Variants in ITPR2 observed in about 807,000 individuals in gnomAD.
ITPR2 encodes the protein inositol 1,4,5-trisphosphate-gated calcium channel ITPR2.
A neutral mutation model predicts 317.1 loss-of-function variants in ITPR2; 207 were observed. That is an observed-to-expected ratio of 0.65 (90% confidence interval 0.58 to 0.73). The LOEUF is 0.73. ITPR2 is among the 30% of genes least tolerant of loss of function. The pLI is 0.00. For synonymous variants in ITPR2, 1,156 were observed against 1,149.1 expected, an observed-to-expected ratio of 1.01 and a Z score of -0.12; for missense variants, 2,613 against 3,284.0, an observed-to-expected ratio of 0.80 and a Z score of 4.99.
intron 1 of ITPR2, among the ~76,000 whole-genome samples, chr12:26,804,886 C>T (rs1411125769): frequency 3.9e-5 from 6 of 152,078 alleles, no homozygotes; most frequent in Non-Finnish European, 5.9e-5. Flanking sequence ...AGGCGTGCAC[C>T]ACCACACCTG....
At chr12:26,774,212 A>T (rs886883987) in intron 2 of ITPR2, among the ~76,000 whole-genome samples, 1 of 152,196 alleles carries the variant, frequency 6.6e-6, no homozygotes, top group African/African-American at 2.4e-5. Flanking sequence ...ATTTAAGACT[A>T]TAACAAACTA....
chr12:26,698,776 T>C (rs755396173), intron 9 of ITPR2, among the ~76,000 whole-genome samples: 10 of 152,168 alleles, frequency 6.6e-5, no homozygotes, highest in Non-Finnish European at 1.5e-4. Context: ...AGAATTAGTT[T>C]CAAAACGGGA....
At chr12:26,797,554 A>C (rs1156760917) in intron 1 of ITPR2, among the ~76,000 whole-genome samples, 3 of 152,186 alleles carry the variant, frequency 2.0e-5, no homozygotes, top group Non-Finnish European at 2.9e-5. Flanking sequence ...AATGGCTCTG[A>C]AATGCATTTA....
chr12:26,430,535 A>T (rs763962115), intron 48 of ITPR2, among the ~76,000 whole-genome samples: 20 of 152,320 alleles, frequency 1.3e-4, no homozygotes, highest in Admixed American at 2.6e-4. Context: ...AAGTGCTGGG[A>T]TTACGGGCAT....
intron 38 of ITPR2, among the ~76,000 whole-genome samples, 178 bp downstream of exon 38, chr12:26,494,974 A>T (rs531967870): frequency 1.3e-5 from 2 of 152,278 alleles, no homozygotes; most frequent in South Asian, 4.1e-4. Flanking sequence ...AAAAAGCAAA[A>T]TCAATTCTGA....
At chr12:26,422,180 A>C (rs936662177) in intron 49 of ITPR2, among the ~76,000 whole-genome samples, 1 of 150,138 alleles carries the variant, frequency 6.7e-6, no homozygotes, top group South Asian at 2.1e-4. Context: ...ATTAGTTAAT[A>C]ATTTAGTAAA....
chr12:26,578,589 T>C, intron 34 of ITPR2, 124 bp downstream of exon 34: 2 of 810,722 alleles, frequency 2.5e-6, no homozygotes, highest in South Asian at 2.4e-5. Flanking sequence ...TGCTCTTCAG[T>C]TTAACAGAAA....
In ITPR2 at chr12:26,339,435, T is replaced by C. The variant is rs1938029705; in HGVS notation, c.8068A>G (p.Asn2690Asp). Residue 2690 changes from asparagine to aspartate, a missense_variant, in exon 57 of 57, where the codon AAC becomes GAC. Around this residue, in one of 9 missense-constraint regions of ITPR2, gnomAD observed 119 missense variants for 144.3 expected, o/e 0.82. Transcript: ENST00000381340. ...NKQRLGFLGS[N>D]TPHVNHHMPP... The stretch of plus-strand genomic sequence containing the variant: ...ATGTGATGATTCACATGGGGTGTGT[T>C]TGATCCGAGGAAGCCCAGTCTCTGC... 1 of 1,613,800 alleles carries C rather than the reference T, an allele frequency of 6.2e-7. No individual in the cohort carries two copies. The highest frequency in any genetic ancestry group is 1.3e-5 in the African/African-American group (1 of 74,866).
At chr12:26,782,053 G>T (rs201863802) in intron 2 of ITPR2, among the ~76,000 whole-genome samples, 6 of 102,670 alleles carry the variant, frequency 5.8e-5, no homozygotes, top group South Asian at 8.5e-4. Context: ...GAGAGAGAGA[G>T]AGAGAGAGAG....
chr12:26,529,407 T>C (rs1943894741), intron 37 of ITPR2, among the ~76,000 whole-genome samples: 1 of 152,206 alleles, frequency 6.6e-6, no homozygotes, highest in Non-Finnish European at 1.5e-5. Flanking sequence ...TGCAGATCTT[T>C]GGGTGTGTGC....
intron 45 of ITPR2, among the ~76,000 whole-genome samples, chr12:26,451,375 A>T (rs1345162349): frequency 2.9e-5 from 4 of 139,286 alleles, no homozygotes; most frequent in Non-Finnish European, 4.7e-5. Context: ...TCACACACAC[A>T]CACACACACA....
chr12:26,631,955 T>C lies in ITPR2; in HGVS notation c.2845A>G (p.Ser949Gly). 1 of 1,613,852 alleles carries C rather than the reference T, an allele frequency of 6.2e-7. No individual in the cohort carries two copies. The highest frequency in any genetic ancestry group is 8.5e-7 in the Non-Finnish European group (1 of 1,179,876). ...FPMSVPDVPP[S>G]IHPSKQGSPT... ...CTCCCTTGCTTGCTCGGGTGGATGCTGGGTGGCACATCCGGCACGCTCATG... is the reference window on the plus strand; with the variant it reads ...CTCCCTTGCTTGCTCGGGTGGATGCCGGGTGGCACATCCGGCACGCTCATG... The change falls in exon 22 of 57, where the codon AGC becomes GGC. Residue 949 changes from serine (S) to glycine (G), a missense_variant. Coordinates refer to ENST00000381340, the MANE Select transcript of ITPR2 (RefSeq NM_002223.4).
intron 48 of ITPR2, among the ~76,000 whole-genome samples, chr12:26,432,151 T>C (rs1427343131): frequency 2.0e-5 from 3 of 152,188 alleles, no homozygotes; most frequent in African/African-American, 7.2e-5. Flanking sequence ...TTACCATCTA[T>C]CTAGTCAAAG....
chr12:26,670,320 T>C lies in ITPR2; in HGVS notation c.1410-4269A>G, dbSNP rs1040452885. On this transcript the variant is annotated intron_variant, in intron 13 of 56. Coordinates refer to ENST00000381340, the MANE Select transcript of ITPR2 (RefSeq NM_002223.4). ...CCCCCCAGTAGGGGCAGACTGACAC[T>C]TCACACGGCCGGGTACTCCTCTGAG... 5.9e-5 allele frequency among the ~76,000 whole-genome samples: 9 copies of C among 152,196 alleles called. 1 individual carries two copies. The South Asian group carries it at 6.2e-4, about 11-fold the overall frequency.
At chr12:26,789,152 G>A (rs1950303683) in intron 2 of ITPR2, among the ~76,000 whole-genome samples, 1 of 152,124 alleles carries the variant, frequency 6.6e-6, no homozygotes, top group Admixed American at 6.5e-5. Context: ...CTCTACTTGG[G>A]GAGAAATCTG....
chr12:26,379,333 T>C (rs1329814949), intron 55 of ITPR2, among the ~76,000 whole-genome samples: 1 of 152,194 alleles, frequency 6.6e-6, no homozygotes. Context: ...TAGTCAACAC[T>C]TACCCATGTC....
At chr12:26,443,517 T>C (rs749172728) in intron 46 of ITPR2, 26 bp downstream of exon 46, 214 of 1,545,212 alleles carry the variant, frequency 1.4e-4, no homozygotes, top group Non-Finnish European at 1.7e-4. Flanking sequence ...ACAGTTGGTC[T>C]CTTTCAATAA....
intron 31 of ITPR2, among the ~76,000 whole-genome samples, chr12:26,595,949 C>T (rs750303992): frequency 8.5e-5 from 13 of 152,166 alleles, no homozygotes; most frequent in Non-Finnish European, 1.8e-4. Flanking sequence ...CCCCTCCCAA[C>T]AGTAGAAAAG....
chr12:26,731,633 C>A (rs1230867422), intron 2 of ITPR2, among the ~76,000 whole-genome samples: 1 of 151,884 alleles, frequency 6.6e-6, no homozygotes, highest in Non-Finnish European at 1.5e-5. Flanking sequence ...CCTGTCTCTA[C>A]GAAAAAATTT....
Sources: gnomAD v4.1 joint callset for allele counts (sites outside exome capture counted in the v4.1 genomes callset) on GRCh38, gnomAD v4.1.1 for gene constraint, gnomAD v4.1.1 regional missense constraint, MANE v1.5 for transcripts, NCBI Gene and HGNC (gene_info 2026-07-23, HGNC 2026-07-21) for gene names.